PDE12: variants seen among roughly 807,000 people sequenced by gnomAD.
The protein encoded by PDE12 is phosphodiesterase 12, also known as 2',5'-phosphodiesterase 12.
PDE12 carries 26 observed loss-of-function variants against 45.4 expected under a neutral mutation model. The ratio of observed to expected loss-of-function variants is 0.57; its 90% CI spans 0.42 to 0.79. PDE12 has a LOEUF of 0.79. Ranked by LOEUF, PDE12 falls within the 30% of genes least tolerant of loss-of-function variation. The pLI, the probability that PDE12 is intolerant of heterozygous loss-of-function variation, is 0.00. For missense variants in PDE12, 668 were observed against 790.0 expected, an observed-to-expected ratio of 0.85 and a Z score of 1.85; for synonymous variants, 283 against 323.9, an observed-to-expected ratio of 0.87 and a Z score of 1.36.
chr3:57,635,710 T>C, the PDE12 span, among the ~76,000 whole-genome samples: 1 of 152,220 alleles, frequency 6.6e-6, no homozygotes, highest in African/African-American at 2.4e-5. Flanking sequence ...CAATCTTATA[T>C]TGCTAAAAAA....
At chr3:57,617,872 TA>T in the PDE12 span, among the ~76,000 whole-genome samples, 46 of 137,772 alleles carry the variant, frequency 3.3e-4, no homozygotes, top group Admixed American at 5.9e-4. Flanking sequence ...GACTCTGCCT[TA>T]AAAAAAAAAA....
At chr3:57,596,795 A>G in the PDE12 span, 1 of 407,042 alleles carries the variant, frequency 2.5e-6, no homozygotes, top group South Asian at 2.6e-5. Flanking sequence ...TCTCTGCCCA[A>G]TGTTGTCCAG....
At chr3:57,588,041 T>C in the PDE12 span, among the ~76,000 whole-genome samples, 2 of 152,250 alleles carry the variant, frequency 1.3e-5, no homozygotes, top group Non-Finnish European at 2.9e-5. Flanking sequence ...TCATTTCTTA[T>C]GTATTTCCTT....
the PDE12 span, chr3:57,572,385 CTT>C: frequency 1.0e-6 from 1 of 963,694 alleles, no homozygotes; most frequent in South Asian, 1.4e-5. Flanking sequence ...ACTTAAGAGT[CTT>C]TTCACACCTC....
the PDE12 span, among the ~76,000 whole-genome samples, chr3:57,621,561 T>G: frequency 6.6e-6 from 1 of 151,888 alleles, no homozygotes; most frequent in Non-Finnish European, 1.5e-5. Context: ...TCCCAGCTAC[T>G]GGGGAGGTTG....
At chr3:57,651,870 A>G in the PDE12 span, among the ~76,000 whole-genome samples, 1 of 152,118 alleles carries the variant, frequency 6.6e-6, no homozygotes, top group African/African-American at 2.4e-5. Context: ...GAATAAAACA[A>G]GAAATCAGAG....
At chr3:57,598,243 A>G in the PDE12 span, 1 of 152,082 alleles carries the variant, frequency 6.6e-6, no homozygotes, top group Non-Finnish European at 1.5e-5. Context: ...TATTAGACTC[A>G]TTGCCAGGAT....
the PDE12 span, among the ~76,000 whole-genome samples, chr3:57,639,290 A>G: frequency 6.6e-6 from 1 of 152,236 alleles, no homozygotes; most frequent in Admixed American, 6.5e-5. Flanking sequence ...GTTAAGAAAT[A>G]GGAACCCTCA....
chr3:57,562,929 A>G lies in PDE12; in HGVS notation c.*2925A>G, dbSNP rs2069741869. 6.6e-6 allele frequency: 1 copy of G among 152,216 alleles called. No individual in the cohort carries two copies. The highest frequency in any genetic ancestry group is 1.5e-5 in the Non-Finnish European group (1 of 68,036). The allele number at this position is 152,216 out of a possible 1,614,324, so 9.4% of individuals were successfully genotyped here. A position where few individuals can be genotyped will look rare whatever the true frequency, so the allele number is the denominator to read the frequency against. On this transcript the variant is annotated 3_prime_UTR_variant, in exon 3 of 3. Transcript: ENST00000311180. ...GATCTCATCAGAATGTGCTGGTTTC[A>G]GTCTGGAGATAGATTTCTGAGGAGC...
the PDE12 span, among the ~76,000 whole-genome samples, chr3:57,604,304 T>G: frequency 6.6e-6 from 1 of 152,102 alleles, no homozygotes; most frequent in Non-Finnish European, 1.5e-5. Context: ...CTACAAATTT[T>G]TTTTCTCTAA....
At chr3:57,651,961 C>CA in the PDE12 span, among the ~76,000 whole-genome samples, 65 of 152,150 alleles carry the variant, frequency 4.3e-4, 2 homozygotes, top group Admixed American at 1.3e-4. Flanking sequence ...GTAACCCCAA[C>CA]ACCTAGGTGG....
chr3:57,643,360 T>C, the PDE12 span, among the ~76,000 whole-genome samples: 7 of 152,278 alleles, frequency 4.6e-5, no homozygotes, highest in South Asian at 4.1e-4. Flanking sequence ...TAGTTTCAGA[T>C]GCCATTAAGA....
the PDE12 span, among the ~76,000 whole-genome samples, chr3:57,651,946 C>T: frequency 6.6e-6 from 1 of 152,274 alleles, no homozygotes; most frequent in East Asian, 1.9e-4. Flanking sequence ...TGGTGGCTCA[C>T]TCCTGTAACC....
At chr3:57,589,350 C>T in the PDE12 span, among the ~76,000 whole-genome samples, 1 of 152,088 alleles carries the variant, frequency 6.6e-6, no homozygotes. Flanking sequence ...ATCCCTTGAG[C>T]CCAGGGGATC....
the PDE12 span, among the ~76,000 whole-genome samples, chr3:57,575,132 G>A: frequency 6.7e-6 from 1 of 149,150 alleles, no homozygotes; most frequent in Non-Finnish European, 1.5e-5. Flanking sequence ...TTACAGGCAT[G>A]AGCCACCGCA....
chr3:57,590,480 C>T, the PDE12 span, among the ~76,000 whole-genome samples: 7 of 151,802 alleles, frequency 4.6e-5, no homozygotes, highest in East Asian at 1.9e-4. Flanking sequence ...AGCAAGACTC[C>T]GTCTCAAAAA....
the PDE12 span, chr3:57,628,941 C>G: frequency 6.7e-7 from 1 of 1,482,860 alleles, no homozygotes. Context: ...TCAAACCTCT[C>G]TATTTCAATA....
In PDE12 at chr3:57,556,318, T is replaced by C. The variant is rs1375536876; in HGVS notation, c.-62T>C. On this transcript the variant is annotated 5_prime_UTR_variant, in exon 1 of 3. Coordinates refer to ENST00000311180, the MANE Select transcript of PDE12 (RefSeq NM_177966.7). This position sits in a 1 kb window ranked among gnomAD's most constrained non-coding sequence, Gnocchi z 5.0. The stretch of plus-strand genomic sequence containing the variant: ...AAGCCGGCGGCCTCGGCTCCTCAGC[T>C]CCACCTGACAGTAGGCCGCTGATCG... The C allele has an allele frequency of 9.5e-6, 14 of 1,475,054 alleles. No individual in the cohort carries two copies. Among genetic ancestry groups the C allele is most frequent in the African/African-American group, 1.4e-5 (1 of 71,228 alleles). 91.4% of individuals were successfully genotyped at this position (1,475,054 alleles called of 1,614,324 possible).
chr3:57,570,217 G>GTGTTT (rs1491319494), downstream of PDE12, among the ~76,000 whole-genome samples: 2 of 65,344 alleles, frequency 3.1e-5, no homozygotes, highest in East Asian at 6.4e-4. Context: ...GGTTAATCCA[G>GTGTTT]TGTTTTTTTT....
Sources: gnomAD v4.1 joint callset for allele counts (sites outside exome capture counted in the v4.1 genomes callset) on GRCh38, gnomAD v4.1.1 for gene constraint, Gnocchi (gnomAD v3.1) non-coding constraint, MANE v1.5 for transcripts, NCBI Gene and HGNC (gene_info 2026-07-23, HGNC 2026-07-21) for gene names.